The following NTM variants were observed in gnomAD, a reference collection of about 807,000 sequenced individuals.
The protein encoded by NTM is neurotrimin, also known as IgLON family member 2.
NTM carries 13 observed loss-of-function variants against 42.1 expected under a neutral mutation model. The observed-to-expected ratio is 0.31, with a 90% CI of 0.20 to 0.49. The LOEUF (loss-of-function observed/expected upper bound fraction) is 0.49. NTM is among the 20% of genes least tolerant of loss of function. NTM has a pLI of 0.99. For synonymous variants in NTM, 187 were observed against 179.2 expected, an observed-to-expected ratio of 1.04 and a Z score of -0.35; for missense variants, 373 against 452.8, an observed-to-expected ratio of 0.82 and a Z score of 1.60.
At chr11:131,962,338 T>A (rs1166426981) in intron 2 of NTM, among the ~76,000 whole-genome samples, 1 of 152,220 alleles carries the variant, frequency 6.6e-6, no homozygotes, top group African/African-American at 2.4e-5. Context: ...TGCACAATTG[T>A]GTCCTTCCAA....
Position 131,783,159 on chromosome 11 carries a change from A to G in NTM, c.83-128405A>G, listed in dbSNP as rs111783418. On this transcript the variant is annotated intron_variant, in intron 1 of 8. Transcript: ENST00000683400. Reference sequence around the variant, plus strand: ...TATGATTACAATACCAATATATAGAAATCAAGTTTATTTCTGTATATTGGC... The same window carrying G: ...TATGATTACAATACCAATATATAGAGATCAAGTTTATTTCTGTATATTGGC... Among the ~76,000 whole-genome samples the G allele has an allele frequency of 6.2e-3, 941 of 152,276 alleles. 13 individuals are homozygous for G. The highest frequency in any genetic ancestry group is 0.022 in the African/African-American group (906 of 41,572).
intron 1 of NTM, chr11:131,671,334 C>A: frequency 2.7e-6 from 2 of 747,338 alleles, no homozygotes; most frequent in Non-Finnish European, 1.6e-6. Flanking sequence ...CCTCCCCGCC[C>A]AACCCCATCA....
At chr11:131,421,686 T>G (rs1357227283) in intron 1 of NTM, among the ~76,000 whole-genome samples, 1 of 152,182 alleles carries the variant, frequency 6.6e-6, no homozygotes, top group Non-Finnish European at 1.5e-5. Context: ...GGTTCATGCT[T>G]CCCATGCTCC....
intron 1 of NTM, among the ~76,000 whole-genome samples, chr11:131,449,092 G>A (rs1424290019): frequency 6.6e-6 from 1 of 152,236 alleles, no homozygotes; most frequent in Non-Finnish European, 1.5e-5. Flanking sequence ...AGGGGAAGAA[G>A]GGAGGGTCTC....
At chr11:131,865,592 A>T (rs565442554) in intron 1 of NTM, among the ~76,000 whole-genome samples, 1 of 152,278 alleles carries the variant, frequency 6.6e-6, no homozygotes, top group South Asian at 2.1e-4. Flanking sequence ...AGCCTGGCCT[A>T]GTGGGGCAGG....
At chr11:131,859,905 C>A (rs1334148248) in intron 1 of NTM, among the ~76,000 whole-genome samples, 1 of 150,614 alleles carries the variant, frequency 6.6e-6, no homozygotes, top group Non-Finnish European at 1.5e-5. Flanking sequence ...AAAGGTTGTT[C>A]TTATCAGTAA....
chr11:131,442,539 C>A (rs1375962763), intron 1 of NTM, among the ~76,000 whole-genome samples: 2 of 152,092 alleles, frequency 1.3e-5, no homozygotes, highest in Non-Finnish European at 2.9e-5. Context: ...ACACTGTACC[C>A]AATAGGTAAG....
At chr11:132,086,529 T>C (rs1270627290) in intron 2 of NTM, among the ~76,000 whole-genome samples, 1 of 152,214 alleles carries the variant, frequency 6.6e-6, no homozygotes, top group Non-Finnish European at 1.5e-5. Context: ...TATTACCCGA[T>C]GTTAGCCACA....
intron 1 of NTM, among the ~76,000 whole-genome samples, chr11:131,527,785 G>A (rs1030801942): frequency 2.6e-5 from 4 of 152,230 alleles, no homozygotes; most frequent in African/African-American, 7.2e-5. Flanking sequence ...GAGAGGCAGG[G>A]GTGTGGACTA....
At chr11:131,933,517 G>C (rs1006450496) in intron 2 of NTM, among the ~76,000 whole-genome samples, 1 of 152,096 alleles carries the variant, frequency 6.6e-6, no homozygotes, top group Non-Finnish European at 1.5e-5. Flanking sequence ...CTAGCTGCTG[G>C]GTGATTATTT....
chr11:131,447,334 C>T (rs556757421), intron 1 of NTM, among the ~76,000 whole-genome samples: 43 of 152,160 alleles, frequency 2.8e-4, no homozygotes, highest in Non-Finnish European at 4.6e-4. Context: ...TCAGAGTTCA[C>T]GTGCTAACCA....
chr11:131,790,959 A>T (rs2090848287), intron 1 of NTM, among the ~76,000 whole-genome samples: 1 of 152,212 alleles, frequency 6.6e-6, no homozygotes, highest in African/African-American at 2.4e-5. Flanking sequence ...AGCAGCAATA[A>T]CTACTACTAA....
At chr11:132,109,017 C>T (rs960773694) in intron 2 of NTM, among the ~76,000 whole-genome samples, 4 of 152,188 alleles carry the variant, frequency 2.6e-5, no homozygotes, top group African/African-American at 9.7e-5. Context: ...ATCCATATTT[C>T]TCCAAAGGAC....
chr11:131,487,818 C>T (rs1371075959), intron 1 of NTM, among the ~76,000 whole-genome samples: 1 of 152,190 alleles, frequency 6.6e-6, no homozygotes, highest in Non-Finnish European at 1.5e-5. Context: ...GGATCTCTAG[C>T]TTGGAAGGCT....
At chr11:131,951,337 C>A (rs1019139853) in intron 2 of NTM, among the ~76,000 whole-genome samples, 1 of 152,158 alleles carries the variant, frequency 6.6e-6, no homozygotes, top group African/African-American at 2.4e-5. Context: ...AGCCATTAGC[C>A]TAATTCCATC....
At chr11:131,919,066 G>A (rs747015318) in intron 2 of NTM, among the ~76,000 whole-genome samples, 1 of 151,770 alleles carries the variant, frequency 6.6e-6, no homozygotes, top group Admixed American at 6.6e-5. Context: ...CAGTGGATCT[G>A]GATGCCATAG....
intron 1 of NTM, among the ~76,000 whole-genome samples, chr11:131,487,946 G>A (rs1236121734): frequency 1.3e-5 from 2 of 152,204 alleles, no homozygotes. Context: ...AGGTGATAGA[G>A]TTGGTGGGGT....
chr11:131,409,954 G>T (rs1472054917), intron 1 of NTM, among the ~76,000 whole-genome samples: 3 of 152,098 alleles, frequency 2.0e-5, no homozygotes, highest in African/African-American at 4.8e-5. Flanking sequence ...ATACAAAAAA[G>T]CAAGGAAGAT....
At chr11:131,496,976 G>A (rs952643620) in intron 1 of NTM, among the ~76,000 whole-genome samples, 14 of 152,166 alleles carry the variant, frequency 9.2e-5, no homozygotes, top group African/African-American at 3.4e-4. Context: ...ACCTAGATGG[G>A]AGGTGCTGTT....
Sources: allele counts gnomAD v4.1 joint callset (sites outside exome capture counted in the v4.1 genomes callset), GRCh38; gene constraint gnomAD v4.1.1; transcripts MANE v1.5; gene names NCBI Gene and HGNC (gene_info 2026-07-23, HGNC 2026-07-21).